DOP1B: variants seen among roughly 807,000 people sequenced by gnomAD.
The protein encoded by DOP1B is protein DOP1B.
DOP1B carries 174 observed loss-of-function variants against 233.5 expected under a neutral mutation model. The observed-to-expected ratio is 0.75, with a 90% confidence interval of 0.66 to 0.85. The LOEUF (loss-of-function observed/expected upper bound fraction) is 0.85. Among genes scored for constraint, DOP1B ranks in the 40% least tolerant of loss-of-function variants. DOP1B has a pLI of 0.00. For synonymous variants in DOP1B, 1,190 were observed against 1,185.6 expected, an observed-to-expected ratio of 1.00 and a Z score of -0.08; for missense variants, 2,652 against 2,846.6, an observed-to-expected ratio of 0.93 and a Z score of 1.56.
At chr21:36,179,434 T>C (rs924229460) in intron 2 of DOP1B, among the ~76,000 whole-genome samples, 12 of 152,258 alleles carry the variant, frequency 7.9e-5, no homozygotes, top group Non-Finnish European at 1.6e-4. Context: ...TTGCATTTTG[T>C]ACATGACAGA....
rs148801255 is a variant in DOP1B, at chr21:36,245,592, C to A, written c.3612C>A (p.Ala1204=). 443 of 1,613,402 alleles carry A rather than the reference C, an allele frequency of 2.7e-4. 3 individuals are homozygous for A. The African/African-American group carries it at 4.8e-3, about 17-fold the overall frequency. The change falls in exon 19 of 37, where the codon GCC becomes GCA. Residue 1204 remains alanine, a synonymous_variant. Transcript: ENST00000691173. The surrounding 1 kb of genome is among the most constrained non-coding windows in gnomAD (Gnocchi z 5.5). ...SDEEADLELQ[A]LTTSRLLKQQ... is the part of the protein sequence containing the mutation. ...AGGAGGCGGACTTGGAGCTCCAGGC[C>A]CTCACCACATCCAGGCTGCTAAAGC... is the stretch of plus-strand genomic sequence containing the variant.
chr21:36,287,606 A>C (rs1372286461), intron 32 of DOP1B, among the ~76,000 whole-genome samples: 9 of 28,104 alleles, frequency 3.2e-4, no homozygotes. Flanking sequence ...TTTTTTTTTG[A>C]GATGGAGTCT....
chr21:36,248,341 C>T (rs773571563), intron 20 of DOP1B, 39 bp from the exon 21 acceptor site: 4 of 1,600,540 alleles, frequency 2.5e-6, no homozygotes, highest in Non-Finnish European at 3.4e-6. Context: ...AACCATTCCA[C>T]AGACACAGCC....
intron 16 of DOP1B, 58 bp downstream of exon 16, chr21:36,237,472 C>T: frequency 1.3e-6 from 2 of 1,594,980 alleles, no homozygotes; most frequent in South Asian, 1.1e-5. Flanking sequence ...GCTGTACGTG[C>T]CCTTAGCCAA....
intron 27 of DOP1B, among the ~76,000 whole-genome samples, chr21:36,274,029 G>T (rs1278967315): frequency 6.6e-6 from 1 of 152,128 alleles, no homozygotes; most frequent in Non-Finnish European, 1.5e-5. Flanking sequence ...AGTGAGCCGA[G>T]ATCGCGCCGC....
chr21:36,227,343 C>G lies in DOP1B; in HGVS notation c.1474-343C>G, dbSNP rs181348895. On this transcript the variant is annotated intron_variant, in intron 12 of 36. Transcript: ENST00000691173. ...TGGATGGATCACAAAGTCAGGAGAT[C>G]GAGACCATCCTGGCTAACACGGTGA... Among the ~76,000 whole-genome samples, 80 of 151,570 alleles carry G rather than the reference C, an allele frequency of 5.3e-4. 1 individual carries two copies. The highest frequency in any genetic ancestry group is 9.0e-4 in the Non-Finnish European group (61 of 67,908).
intron 12 of DOP1B, among the ~76,000 whole-genome samples, chr21:36,227,362 A>C (rs922508380): frequency 1.3e-5 from 2 of 151,534 alleles, no homozygotes; most frequent in Admixed American, 6.6e-5. Context: ...CCTGGCTAAC[A>C]CGGTGAAACC....
At chr21:36,242,317 C>A (rs186723680) in intron 18 of DOP1B, among the ~76,000 whole-genome samples, 1 of 151,914 alleles carries the variant, frequency 6.6e-6, no homozygotes, top group Non-Finnish European at 1.5e-5. Flanking sequence ...GGATTACAGG[C>A]GCTGGCCACC....
intron 16 of DOP1B, 114 bp from the exon 17 acceptor site, chr21:36,238,487 G>T (rs2066852778): frequency 9.8e-6 from 8 of 814,312 alleles, no homozygotes; most frequent in Non-Finnish European, 1.7e-5. Context: ...TGCTGTGGTT[G>T]CTGTCAGTTC....
chr21:36,175,541 C>T (rs2066013214), intron 2 of DOP1B, among the ~76,000 whole-genome samples: 1 of 151,882 alleles, frequency 6.6e-6, no homozygotes, highest in Non-Finnish European at 1.5e-5. Context: ...CTTGTAATCC[C>T]TTGGCCTATG....
chr21:36,176,667 G>C (rs1052138154), intron 2 of DOP1B, among the ~76,000 whole-genome samples: 2 of 152,164 alleles, frequency 1.3e-5, no homozygotes, highest in Non-Finnish European at 2.9e-5. Context: ...CTGTTGATGG[G>C]AATTCTTGAC....
At chr21:36,160,135 AATAATAAT>A (rs1568991187) in intron 1 of DOP1B, among the ~76,000 whole-genome samples, 1 of 149,260 alleles carries the variant, frequency 6.7e-6, no homozygotes, top group Admixed American at 6.6e-5. Context: ...TGGAAAAAAT[AATAATAAT>A]AATAATAATA....
intron 20 of DOP1B, among the ~76,000 whole-genome samples, 175 bp from the exon 21 acceptor site, chr21:36,248,205 G>C (rs1033970307): frequency 6.6e-6 from 1 of 152,180 alleles, no homozygotes; most frequent in African/African-American, 2.4e-5. Flanking sequence ...CTGTGAAAGA[G>C]AACCATGGGT....
At chr21:36,271,311 T>G (rs2284639) in intron 27 of DOP1B, among the ~76,000 whole-genome samples, 36,956 of 126,486 alleles carry the variant, frequency 0.29, 5,127 homozygotes, top group Admixed American at 0.35. Flanking sequence ...AGGTTGGAGT[T>G]CACCCAGGTT....
At position 36,270,005 on chromosome 21, in the gene DOP1B, A is replaced by G; in HGVS notation, c.5488-8A>G. On this transcript the variant is annotated splice_polypyrimidine_tract_variant and splice_region_variant and intron_variant, in intron 26 of 36. Coordinates refer to ENST00000691173, the MANE Select transcript of DOP1B (RefSeq NM_001320714.2). ...ACTTCCTTTCCCCCTCCTCCTGATA[A>G]TTCTCAGGAAATCACTCAGAAAATC... 6.2e-7 allele frequency: 1 copy of G among 1,613,808 alleles called. No homozygotes were observed. Among genetic ancestry groups the G allele is most frequent in the Non-Finnish European group, 8.5e-7 (1 of 1,179,892 alleles).
chr21:36,280,475 T>A (rs1033814875), intron 31 of DOP1B, 129 bp downstream of exon 31: 1 of 580,690 alleles, frequency 1.7e-6, no homozygotes, highest in East Asian at 3.1e-5. Context: ...AAGACTGTAA[T>A]GTGATGTTCA....
In DOP1B at chr21:36,179,108, G is replaced by T. The variant is rs1169391099; in HGVS notation, c.138+14237G>T. On this transcript the variant is annotated intron_variant, in intron 2 of 36. Coordinates refer to ENST00000691173, the MANE Select transcript of DOP1B (RefSeq NM_001320714.2). ...GGTCTGGCTTCTTTCACTCAGCAAA[G>T]CTACTTCGAGAGTCATTCAGGCTGT... 2.0e-5 allele frequency among the ~76,000 whole-genome samples: 3 copies of T among 152,226 alleles called. No individual in the cohort carries two copies. The South Asian group carries it at 6.2e-4, about 32-fold the overall frequency.
In DOP1B at chr21:36,169,150, C is replaced by G; in HGVS notation, c.138+4279C>G. On this transcript the variant is annotated intron_variant, in intron 2 of 36. Coordinates refer to ENST00000691173, the MANE Select transcript of DOP1B (RefSeq NM_001320714.2). Reference sequence around the variant, plus strand: ...CCAGCAAAGATGTGCAGAGAATGAGCACTCGCTTCTTGGTTCCCACCACAC... The same window carrying G: ...CCAGCAAAGATGTGCAGAGAATGAGGACTCGCTTCTTGGTTCCCACCACAC... 3.2e-6 allele frequency: 3 copies of G among 950,056 alleles called. No individual in the cohort carries two copies. In the South Asian group the frequency reaches 3.8e-5, roughly 12 times the overall value. The allele number at this position is 950,056 out of a possible 1,614,324, so 58.9% of individuals were successfully genotyped here. A position where few individuals can be genotyped will look rare whatever the true frequency, so the allele number is the denominator to read the frequency against.
rs1339182236 is a variant in DOP1B at position 36,199,076 on chromosome 21, C to G, written c.145C>G (p.Gln49Glu). The change falls in exon 3 of 37, where the codon CAG becomes GAG. Residue 49 changes from glutamine (Q) to glutamate (E), a missense_variant. Coordinates refer to ENST00000691173, the MANE Select transcript of DOP1B (RefSeq NM_001320714.2). ...TTTTTGTCTTGTTTGACAGGCTCTTCAGAGTAACCTGAGGTACTCCTTGTT... is the reference window on the plus strand; with the variant it reads ...TTTTTGTCTTGTTTGACAGGCTCTTGAGAGTAACCTGAGGTACTCCTTGTT... ...SSLGKLNKALQSNLRYSLLPR... is the reference protein window; with the variant it reads ...SSLGKLNKALESNLRYSLLPR... 6.2e-7 allele frequency: 1 copy of G among 1,608,560 alleles called. No homozygotes were observed. The highest frequency in any genetic ancestry group is 8.5e-7 in the Non-Finnish European group (1 of 1,178,414).
Sources: gnomAD v4.1 joint callset for allele counts (sites outside exome capture counted in the v4.1 genomes callset) on GRCh38, gnomAD v4.1.1 for gene constraint, Gnocchi (gnomAD v3.1) non-coding constraint, MANE v1.5 for transcripts, NCBI Gene and HGNC (gene_info 2026-07-23, HGNC 2026-07-21) for gene names.